Variants in SUMF1 observed in about 807,000 individuals in gnomAD.
SUMF1 encodes formylglycine-generating enzyme.
Under a neutral mutation model 47.6 loss-of-function variants are expected in SUMF1, and 48 were observed. The ratio of observed to expected loss-of-function variants is 1.01; its 90% confidence interval spans 0.80 to 1.28. The LOEUF (loss-of-function observed/expected upper bound fraction) is 1.28. Among genes scored for constraint, SUMF1 ranks in the 50% most tolerant of loss-of-function variants. The probability of loss-of-function intolerance (pLI) is 0.00; values close to 1 mark genes in which losing one functional copy is unlikely to be tolerated. For missense variants in SUMF1, 571 were observed against 485.4 expected, an observed-to-expected ratio of 1.18 and a Z score of -1.66; for synonymous variants, 230 against 192.1, an observed-to-expected ratio of 1.20 and a Z score of -1.63.
rs74442033 is a variant in SUMF1, at chr3:4,421,733, A to T, written c.520-1587T>A. 2.6e-3 allele frequency among the ~76,000 whole-genome samples: 398 copies of T among 152,264 alleles called. 2 individuals are homozygous for T. Among genetic ancestry groups the T allele is most frequent in the African/African-American group, 9.2e-3 (383 of 41,544 alleles). On this transcript the variant is annotated intron_variant, in intron 3 of 8. Transcript: ENST00000272902. ...ACTGGGCTCCAGTGATCCCTGCCCA[A>T]CTTGGCCTCCCAAGGTGCTGGGATT...
chr3:4,448,047 A>AAG (rs10625284), intron 3 of SUMF1, among the ~76,000 whole-genome samples: 49,939 of 151,802 alleles, frequency 0.33, 8,440 homozygotes, highest in Non-Finnish European at 0.38. Flanking sequence ...TTAAAAAAAA[A>AAG]AGTAGGGCGG....
chr3:4,035,534 G>A (rs184310424), intron 9 of SUMF1, among the ~76,000 whole-genome samples: 1 of 152,264 alleles, frequency 6.6e-6, no homozygotes, highest in East Asian at 1.9e-4. Flanking sequence ...AATTACACCT[G>A]AATAAAACCT....
chr3:4,229,734 C>G (rs151254471), intron 8 of SUMF1, among the ~76,000 whole-genome samples: 2 of 152,126 alleles, frequency 1.3e-5, no homozygotes, highest in Non-Finnish European at 2.9e-5. Context: ...AACTTCAGAG[C>G]CAGGCACAGT....
chr3:4,115,910 T>C (rs1441192177), intron 8 of SUMF1, among the ~76,000 whole-genome samples: 2 of 152,174 alleles, frequency 1.3e-5, no homozygotes, highest in African/African-American at 4.8e-5. Context: ...TGTAGAGCTC[T>C]ATCAGTGAAA....
intron 8 of SUMF1, among the ~76,000 whole-genome samples, chr3:4,347,575 C>G (rs1357197368): frequency 6.6e-6 from 1 of 152,184 alleles, no homozygotes; most frequent in Non-Finnish European, 1.5e-5. Context: ...CAGCCAATAT[C>G]TTATTGAATG....
chr3:4,131,778 T>C (rs1380457387), intron 8 of SUMF1, among the ~76,000 whole-genome samples: 1 of 152,108 alleles, frequency 6.6e-6, no homozygotes, highest in African/African-American at 2.4e-5. Flanking sequence ...ATGGGTGACC[T>C]CAGCAGAAGA....
chr3:4,185,922 A>T (rs1039523841), intron 8 of SUMF1, among the ~76,000 whole-genome samples: 1 of 152,158 alleles, frequency 6.6e-6, no homozygotes, highest in African/African-American at 2.4e-5. Context: ...GCATTCTCTC[A>T]TGGCTCTGAG....
intron 9 of SUMF1, among the ~76,000 whole-genome samples, chr3:4,036,617 T>A (rs1451756965): frequency 9.8e-5 from 14 of 143,384 alleles, no homozygotes; most frequent in Non-Finnish European, 1.4e-4. Flanking sequence ...ATGAATCCAT[T>A]AAAAAAAAAA....
chr3:4,388,572 A>C (rs968110375), intron 7 of SUMF1, among the ~76,000 whole-genome samples: 20 of 152,010 alleles, frequency 1.3e-4, no homozygotes, highest in Non-Finnish European at 2.5e-4. Context: ...AATTATTGGT[A>C]TGTCAAAGAC....
chr3:4,118,249 GA>G (rs1693464927), intron 8 of SUMF1, among the ~76,000 whole-genome samples: 1 of 151,262 alleles, frequency 6.6e-6, no homozygotes, highest in African/African-American at 2.4e-5. Flanking sequence ...TTGCATGCTT[GA>G]AAAAAGGAAC....
At chr3:4,095,996 T>G (rs1177471106) in intron 8 of SUMF1, among the ~76,000 whole-genome samples, 1 of 152,130 alleles carries the variant, frequency 6.6e-6, no homozygotes, top group Non-Finnish European at 1.5e-5. Flanking sequence ...AAATAACTAC[T>G]AAGCACTTAA....
At chr3:4,168,721 C>T (rs1416059981) in intron 8 of SUMF1, among the ~76,000 whole-genome samples, 1 of 152,116 alleles carries the variant, frequency 6.6e-6, no homozygotes, top group Non-Finnish European at 1.5e-5. Flanking sequence ...TACTTTATCT[C>T]TCTAAGATTC....
chr3:4,139,776 A>G (rs923110296), intron 8 of SUMF1, among the ~76,000 whole-genome samples: 6 of 151,926 alleles, frequency 3.9e-5, no homozygotes, highest in Non-Finnish European at 8.8e-5. Flanking sequence ...AAGTAAAAAA[A>G]AAATCCCCCC....
At chr3:4,443,755 A>AC (rs1402549356) in intron 3 of SUMF1, among the ~76,000 whole-genome samples, 1 of 152,118 alleles carries the variant, frequency 6.6e-6, no homozygotes, top group Admixed American at 6.5e-5. Context: ...ACACAGCAAG[A>AC]CCCCTTCTCA....
intron 8 of SUMF1, among the ~76,000 whole-genome samples, chr3:4,300,742 C>G (rs1004185948): frequency 2.6e-5 from 4 of 152,070 alleles, no homozygotes; most frequent in Non-Finnish European, 5.9e-5. Context: ...GTATAAAAGA[C>G]TAGGGAAAGA....
At chr3:4,431,254 C>A (rs536902288) in intron 3 of SUMF1, among the ~76,000 whole-genome samples, 1 of 152,202 alleles carries the variant, frequency 6.6e-6, no homozygotes, top group Non-Finnish European at 1.5e-5. Flanking sequence ...GGATTGAGAA[C>A]CTGCCTTCCC....
chr3:4,313,004 C>T (rs774809673), intron 8 of SUMF1: 1 of 1,613,840 alleles, frequency 6.2e-7, no homozygotes, highest in East Asian at 2.2e-5. Flanking sequence ...GGCACTTGCT[C>T]CTGTCTCCGC....
chr3:4,158,442 T>C (rs1694502767), intron 8 of SUMF1, among the ~76,000 whole-genome samples: 1 of 151,594 alleles, frequency 6.6e-6, no homozygotes, highest in African/African-American at 2.4e-5. Flanking sequence ...GGATAAAATG[T>C]TATATAAATA....
At chr3:4,039,996 T>C (rs1694881534) in intron 9 of SUMF1, among the ~76,000 whole-genome samples, 1 of 152,098 alleles carries the variant, frequency 6.6e-6, no homozygotes, top group Non-Finnish European at 1.5e-5. Flanking sequence ...CACTCCAACA[T>C]GGGCAACAGA....
Sources: allele counts gnomAD v4.1 joint callset (sites outside exome capture counted in the v4.1 genomes callset), GRCh38; gene constraint gnomAD v4.1.1; transcripts MANE v1.5; gene names NCBI Gene and HGNC (gene_info 2026-07-23, HGNC 2026-07-21).